Variants in SCHIP1 observed in about 807,000 individuals in gnomAD.
SCHIP1 encodes the protein schwannomin interacting protein 1.
Under a neutral mutation model 29.7 loss-of-function variants are expected in SCHIP1, and 8 were observed. The observed-to-expected ratio is 0.27, with a 90% confidence interval of 0.16 to 0.49. SCHIP1 has a LOEUF of 0.49. Ranked by LOEUF, SCHIP1 falls within the 20% of genes least tolerant of loss-of-function variation. The probability of loss-of-function intolerance (pLI) is 0.99; values close to 1 mark genes in which losing one functional copy is unlikely to be tolerated. For synonymous variants in SCHIP1, 76 were observed against 94.9 expected, an observed-to-expected ratio of 0.80 and a Z score of 1.16; for missense variants, 193 against 294.6, an observed-to-expected ratio of 0.66 and a Z score of 2.52.
At chr3:159,693,350 T>C in the SCHIP1 span, among the ~76,000 whole-genome samples, 1 of 152,156 alleles carries the variant, frequency 6.6e-6, no homozygotes, top group Non-Finnish European at 1.5e-5. Context: ...CACACATATA[T>C]ATATATATGC....
chr3:159,452,304 C>T, the SCHIP1 span, among the ~76,000 whole-genome samples: 6 of 152,050 alleles, frequency 3.9e-5, no homozygotes, highest in African/African-American at 1.4e-4. Context: ...CCCCTTGTCC[C>T]CCCATCCCCC....
chr3:159,697,625 T>A, the SCHIP1 span, among the ~76,000 whole-genome samples: 1 of 152,226 alleles, frequency 6.6e-6, no homozygotes, highest in Non-Finnish European at 1.5e-5. Flanking sequence ...ACATTTAATT[T>A]GAAAATCTTC....
At chr3:159,841,880 A>G (rs1195274648) in intron 1 of SCHIP1, among the ~76,000 whole-genome samples, 1 of 152,332 alleles carries the variant, frequency 6.6e-6, no homozygotes, top group Admixed American at 6.5e-5. Context: ...TTGCATCTGC[A>G]TGGGATTTTA....
At chr3:159,803,221 C>G in the SCHIP1 span, among the ~76,000 whole-genome samples, 2 of 151,678 alleles carry the variant, frequency 1.3e-5, no homozygotes, top group Non-Finnish European at 2.9e-5. Context: ...GGAGTTCTAT[C>G]AATAAGGAAA....
At chr3:159,892,161 C>A in exon 6 of SCHIP1, 1 of 1,614,164 alleles carries the variant, frequency 6.2e-7, no homozygotes. Context: ...AGCAGGATGC[C>A]ATGCTGGTGG....
the SCHIP1 span, among the ~76,000 whole-genome samples, chr3:159,527,391 A>G: frequency 1.3e-5 from 2 of 152,326 alleles, no homozygotes; most frequent in East Asian, 1.9e-4. Context: ...CTTGCTTTAT[A>G]TATCCAGAGC....
the SCHIP1 span, among the ~76,000 whole-genome samples, chr3:159,664,453 A>T: frequency 2.7e-5 from 4 of 149,368 alleles, no homozygotes; most frequent in Non-Finnish European, 5.9e-5. Context: ...AAAAATGAAC[A>T]GCCATAGTTT....
the SCHIP1 span, among the ~76,000 whole-genome samples, chr3:159,724,151 G>A: frequency 6.6e-6 from 1 of 152,092 alleles, no homozygotes; most frequent in Non-Finnish European, 1.5e-5. Context: ...ATTTTCTATA[G>A]GGATTGACCA....
intron 2 of SCHIP1, among the ~76,000 whole-genome samples, chr3:159,874,846 C>T (rs1333755316): frequency 1.3e-5 from 2 of 152,100 alleles, no homozygotes; most frequent in Non-Finnish European, 2.9e-5. Flanking sequence ...ACTGTAGCAA[C>T]CTATTTATAA....
At chr3:159,794,794 G>T in the SCHIP1 span, among the ~76,000 whole-genome samples, 1 of 152,250 alleles carries the variant, frequency 6.6e-6, no homozygotes, top group East Asian at 1.9e-4. Context: ...GTAATAAAAT[G>T]GTAGGTCTCA....
the SCHIP1 span, among the ~76,000 whole-genome samples, chr3:159,809,616 C>T: frequency 9.4e-5 from 14 of 149,668 alleles, no homozygotes; most frequent in Non-Finnish European, 1.6e-4. Flanking sequence ...GCCGAGATGG[C>T]GCCATTGTAC....
At chr3:159,550,333 C>T in the SCHIP1 span, among the ~76,000 whole-genome samples, 1 of 151,988 alleles carries the variant, frequency 6.6e-6, no homozygotes, top group Non-Finnish European at 1.5e-5. Context: ...TAAGATATCA[C>T]ACTACGCTTA....
At chr3:159,856,184 C>T (rs531435292) in intron 1 of SCHIP1, among the ~76,000 whole-genome samples, 1 of 152,280 alleles carries the variant, frequency 6.6e-6, no homozygotes, top group African/African-American at 2.4e-5. Flanking sequence ...GCATCTAAGT[C>T]AGTGTCCTCA....
chr3:159,551,216 T>A, the SCHIP1 span, among the ~76,000 whole-genome samples: 7 of 152,230 alleles, frequency 4.6e-5, no homozygotes, highest in African/African-American at 1.7e-4. Flanking sequence ...CCCATCAGTA[T>A]CTGAATTCAG....
chr3:159,534,459 G>A, the SCHIP1 span, among the ~76,000 whole-genome samples: 25 of 152,260 alleles, frequency 1.6e-4, no homozygotes, highest in East Asian at 4.1e-3. Context: ...TCCTGGTAGT[G>A]GCAGGAGGTG....
the SCHIP1 span, among the ~76,000 whole-genome samples, chr3:159,409,665 T>C: frequency 3.9e-5 from 6 of 152,224 alleles, no homozygotes; most frequent in Non-Finnish European, 4.4e-5. Context: ...ATATTCCATG[T>C]TCACGGAATA....
the SCHIP1 span, among the ~76,000 whole-genome samples, chr3:159,509,922 T>C: frequency 6.6e-6 from 1 of 152,208 alleles, no homozygotes; most frequent in Non-Finnish European, 1.5e-5. Flanking sequence ...ATTTCAACTT[T>C]GGTGAATCTG....
chr3:159,713,931 T>A, the SCHIP1 span, among the ~76,000 whole-genome samples: 1 of 152,222 alleles, frequency 6.6e-6, no homozygotes, highest in South Asian at 2.1e-4. Flanking sequence ...AATGGTCACA[T>A]TTATTGTTAA....
chr3:159,626,131 TAGATAGA>T, the SCHIP1 span, among the ~76,000 whole-genome samples: 2 of 120,220 alleles, frequency 1.7e-5, no homozygotes, highest in East Asian at 4.6e-4. Flanking sequence ...GATAGATAGA[TAGATAGA>T]TATATCTAGA....
Sources: gnomAD v4.1 joint callset for allele counts (sites outside exome capture counted in the v4.1 genomes callset) on GRCh38, gnomAD v4.1.1 for gene constraint, MANE v1.5 for transcripts, NCBI Gene and HGNC (gene_info 2026-07-23, HGNC 2026-07-21) for gene names.